The following ACBD6 variants were observed in gnomAD, a reference collection of about 807,000 sequenced individuals.
ACBD6 encodes the protein acyl-CoA binding domain containing 6, also known as acyl-CoA-binding domain-containing protein 6.
Under a neutral mutation model 37.2 loss-of-function variants are expected in ACBD6, and 28 were observed. The observed-to-expected ratio is 0.75, with a 90% CI of 0.56 to 1.03. The LOEUF (loss-of-function observed/expected upper bound fraction) is 1.03, where lower values mean the gene tolerates loss of function less well. ACBD6 is among the 50% of genes least tolerant of loss of function. The pLI, the probability that ACBD6 is intolerant of heterozygous loss-of-function variation, is 0.00. For synonymous variants in ACBD6, 113 were observed against 126.8 expected (o/e 0.89, Z 0.73); for missense variants, 340 against 337.4 (o/e 1.01, Z -0.06).
intron 6 of ACBD6, among the ~76,000 whole-genome samples, chr1:180,332,715 T>C (rs1651532655): frequency 6.6e-6 from 1 of 152,082 alleles, no homozygotes; most frequent in Non-Finnish European, 1.5e-5. Context: ...TATTGCAATG[T>C]AATAATAATA....
At chr1:180,436,647 T>C (rs560400033) in intron 3 of ACBD6, among the ~76,000 whole-genome samples, 2 of 152,320 alleles carry the variant, frequency 1.3e-5, no homozygotes, top group Non-Finnish European at 2.9e-5. Context: ...AGAATCTAAA[T>C]TGGACTTCTG....
intron 4 of ACBD6, among the ~76,000 whole-genome samples, chr1:180,425,984 T>C (rs1263377831): frequency 6.6e-6 from 1 of 152,260 alleles, no homozygotes; most frequent in Admixed American, 6.5e-5. Flanking sequence ...AAATCCATTA[T>C]TGTTTAAAAA....
chr1:180,347,897 G>A (rs1025737944), intron 6 of ACBD6, among the ~76,000 whole-genome samples: 13 of 152,152 alleles, frequency 8.5e-5, no homozygotes, highest in Admixed American at 7.2e-4. Context: ...CCTGGGAGGC[G>A]GAGCTTGCGG....
chr1:180,444,328 A>G (rs764261391), intron 3 of ACBD6, among the ~76,000 whole-genome samples: 23 of 151,770 alleles, frequency 1.5e-4, no homozygotes, highest in African/African-American at 4.1e-4. Context: ...AAATCTTTAG[A>G]AAAAAAACTG....
intron 6 of ACBD6, among the ~76,000 whole-genome samples, chr1:180,322,458 G>T (rs1028579326): frequency 6.6e-6 from 1 of 152,026 alleles, no homozygotes; most frequent in African/African-American, 2.4e-5. Flanking sequence ...ATGTTTGGTA[G>T]AATTCAGCAG....
intron 4 of ACBD6, among the ~76,000 whole-genome samples, chr1:180,418,450 G>A (rs554065618): frequency 1.3e-5 from 2 of 152,078 alleles, no homozygotes; most frequent in East Asian, 1.9e-4. Context: ...GTGGTGGTGC[G>A]TGCCTGTAGT....
intron 7 of ACBD6, among the ~76,000 whole-genome samples, chr1:180,294,001 T>C (rs1649816554): frequency 6.6e-6 from 1 of 152,058 alleles, no homozygotes; most frequent in Admixed American, 6.5e-5. Context: ...TTCAAGTGAT[T>C]CTCCTGCTTC....
In ACBD6 at chr1:180,485,058, G is replaced by C. The variant is rs945465613; in HGVS notation, c.384+7211C>G. Among the ~76,000 whole-genome samples the C allele has an allele frequency of 4.2e-4, 63 of 149,834 alleles. 3 individuals are homozygous for C. The highest frequency in any genetic ancestry group is 4.4e-5 in the Non-Finnish European group (3 of 67,702). On this transcript the variant is annotated intron_variant, in intron 3 of 7. Transcript: ENST00000367595. ...GCAAATCTGTCCAGCCTGGGCAACA[G>C]AGTGAGACTCTGTCTCAAAAAAAAA...
Position 180,314,644 on chromosome 1 carries a change from A to G in ACBD6, c.694+48T>C, listed in dbSNP as rs377350695. On this transcript the variant is annotated intron_variant, in intron 7 of 7. Transcript: ENST00000367595. ...ATGGACAAAGTTGAAATAAACAAAT[A>G]GAGAATATGTTCAAATATGATTACT... 7.8e-6 allele frequency: 11 copies of G among 1,411,912 alleles called. No individual in the cohort carries two copies. In the African/African-American group the frequency reaches 1.6e-4, roughly 20 times the overall value. The allele number at this position is 1,411,912 out of a possible 1,614,324, so 87.5% of individuals were successfully genotyped here. A position where few individuals can be genotyped will look rare whatever the true frequency, so the allele number is the denominator to read the frequency against.
intron 3 of ACBD6, among the ~76,000 whole-genome samples, chr1:180,437,145 C>T (rs1002665926): frequency 6.6e-6 from 1 of 152,184 alleles, no homozygotes; most frequent in Non-Finnish European, 1.5e-5. Flanking sequence ...CCCTCGACAT[C>T]TTCATCTGTA....
chr1:180,439,526 C>T (rs987598578), intron 3 of ACBD6, among the ~76,000 whole-genome samples: 10 of 151,906 alleles, frequency 6.6e-5, no homozygotes, highest in African/African-American at 2.4e-4. Flanking sequence ...GGAGGCAGAA[C>T]TTGCAGTGAG....
intron 3 of ACBD6, among the ~76,000 whole-genome samples, chr1:180,444,681 C>T (rs181624897): frequency 1.3e-3 from 202 of 152,040 alleles, no homozygotes; most frequent in African/African-American, 4.8e-3. Flanking sequence ...TCTCTCTACT[C>T]AAAATCCATT....
chr1:180,490,317 A>G (rs1651443396), intron 3 of ACBD6, among the ~76,000 whole-genome samples: 1 of 152,224 alleles, frequency 6.6e-6, no homozygotes, highest in Middle Eastern at 3.2e-3. Flanking sequence ...ATAAAAGATA[A>G]TAAAATAGAA....
intron 9 of ACBD6, chr1:180,275,474 T>C (rs1270798160): frequency 6.6e-6 from 1 of 152,268 alleles, no homozygotes; most frequent in Non-Finnish European, 1.5e-5. Flanking sequence ...ACATTTGGAT[T>C]CCAAACCTGC....
At position 180,314,731 on chromosome 1, in the gene ACBD6, GA is replaced by G; in HGVS notation, c.664-10del. 6.5e-7 allele frequency: 1 copy of G among 1,529,176 alleles called. No individual in the cohort carries two copies. 94.7% of individuals were successfully genotyped at this position (1,529,176 alleles called of 1,614,324 possible). Reference sequence around the variant, plus strand: ...GTTTGGCCTTCATTGTCCTATAAAAGAAACAAATAATACATTTTAGAAGTCT... The same window carrying G: ...GTTTGGCCTTCATTGTCCTATAAAAGAACAAATAATACATTTTAGAAGTCT... On this transcript the variant is annotated splice_polypyrimidine_tract_variant and intron_variant, in intron 6 of 7. Coordinates refer to ENST00000367595, the MANE Select transcript of ACBD6 (RefSeq NM_032360.4).
chr1:180,427,197 C>T (rs933034353), intron 4 of ACBD6, among the ~76,000 whole-genome samples: 3 of 152,240 alleles, frequency 2.0e-5, no homozygotes, highest in Non-Finnish European at 4.4e-5. Flanking sequence ...CAAACTTAAC[C>T]AAATGGATTT....
chr1:180,314,600 A>G, intron 7 of ACBD6, 92 bp downstream of exon 7: 2 of 1,076,312 alleles, frequency 1.9e-6, no homozygotes, highest in South Asian at 2.7e-5. Context: ...CCAGGTACCT[A>G]TCTAAGCACT....
rs1647753558 is a variant in ACBD6 at position 180,409,236 on chromosome 1, GT to G, written c.573+4129del. Among the ~76,000 whole-genome samples, 4 of 152,114 alleles carry G rather than the reference GT, an allele frequency of 2.6e-5. 1 individual carries two copies. In the East Asian group the frequency reaches 7.7e-4, roughly 29 times the overall value. On this transcript the variant is annotated intron_variant, in intron 5 of 7. Transcript: ENST00000367595. ...AATTTTTTTGTTTATAAGACTAATA[GT>G]AACATTTGATTTTTTAAAAAAACAA...
chr1:180,460,062 T>C (rs958532879), intron 3 of ACBD6, among the ~76,000 whole-genome samples: 15 of 151,324 alleles, frequency 9.9e-5, no homozygotes. Context: ...ACATGTGCCA[T>C]GTTGGTGTGC....
Sources: gnomAD v4.1 joint callset for allele counts (sites outside exome capture counted in the v4.1 genomes callset) on GRCh38, gnomAD v4.1.1 for gene constraint, MANE v1.5 for transcripts, NCBI Gene and HGNC (gene_info 2026-07-23, HGNC 2026-07-21) for gene names.